The following RNFT2 variants were observed in gnomAD, a reference collection of about 807,000 sequenced individuals.
RNFT2 encodes ring finger protein, transmembrane 2.
A neutral mutation model predicts 53.0 loss-of-function variants in RNFT2; 36 were observed. The ratio of observed to expected loss-of-function variants is 0.68; its 90% CI spans 0.52 to 0.90. RNFT2 has a LOEUF of 0.90. Among genes scored for constraint, RNFT2 ranks in the 40% least tolerant of loss-of-function variants. The probability of loss-of-function intolerance (pLI) is 0.00; values close to 1 mark genes in which losing one functional copy is unlikely to be tolerated. For synonymous variants in RNFT2, 260 were observed against 253.2 expected (o/e 1.03, Z -0.26); for missense variants, 514 against 585.6 (o/e 0.88, Z 1.26).
chr12:116,840,885 G>A (rs1202180497), intron 10 of RNFT2, among the ~76,000 whole-genome samples: 1 of 151,448 alleles, frequency 6.6e-6, no homozygotes, highest in Non-Finnish European at 1.5e-5. Flanking sequence ...GGCCTGGTTT[G>A]TGTGATTAAA....
chr12:116,740,313 G>A (rs991591905), intron 1 of RNFT2, 32 bp from the exon 2 acceptor site: 1 of 601,248 alleles, frequency 1.7e-6, no homozygotes, highest in African/African-American at 1.8e-5. Context: ...GTATCGCAGG[G>A]ACTGTTCATC....
intron 7 of RNFT2, among the ~76,000 whole-genome samples, chr12:116,832,148 A>AAAAAAATATATATATATATATAT (rs1555209702): frequency 1.8e-5 from 1 of 55,176 alleles, no homozygotes; most frequent in African/African-American, 7.0e-5. Flanking sequence ...AAAAAAAAAA[A>AAAAAAATATATATATATATATAT]ATATATATAT....
chr12:116,771,510 A>T (rs1873193911), intron 6 of RNFT2, among the ~76,000 whole-genome samples: 1 of 119,258 alleles, frequency 8.4e-6, no homozygotes, highest in African/African-American at 3.0e-5. Flanking sequence ...TATATGAGCA[A>T]TTTTATTTTT....
chr12:116,847,302 C>T (rs1174711787), intron 10 of RNFT2, among the ~76,000 whole-genome samples: 1 of 152,120 alleles, frequency 6.6e-6, no homozygotes, highest in Non-Finnish European at 1.5e-5. Flanking sequence ...TTATAGCTGG[C>T]ATTTTTTTTG....
intron 7 of RNFT2, among the ~76,000 whole-genome samples, chr12:116,794,264 C>CA (rs981675563): frequency 1.1e-4 from 16 of 150,804 alleles, no homozygotes; most frequent in South Asian, 4.2e-4. Context: ...GATCCTGTCT[C>CA]AAAAAAAAGC....
At position 116,846,774 on chromosome 12, in the gene RNFT2, T is replaced by G. The variant is rs570858439; in HGVS notation, c.1201-2540T>G. On this transcript the variant is annotated intron_variant, in intron 10 of 10. Transcript: ENST00000257575. ...TGCCCTTTTTTTGACATCAATTTTT[T>G]TTTCCCTAAACCAGTTAAGAGTAAG... 3.6e-4 allele frequency among the ~76,000 whole-genome samples: 55 copies of G among 152,260 alleles called. No homozygotes were observed. The South Asian group carries it at 5.0e-3, about 14-fold the overall frequency.
chr12:116,837,158 CCCT>C (rs957621712), intron 10 of RNFT2, among the ~76,000 whole-genome samples: 1 of 151,994 alleles, frequency 6.6e-6, no homozygotes, highest in Non-Finnish European at 1.5e-5. Context: ...CTAAATGCAT[CCCT>C]CCTCCTCCTC....
At chr12:116,799,644 G>A (rs986760096) in intron 7 of RNFT2, among the ~76,000 whole-genome samples, 11 of 152,288 alleles carry the variant, frequency 7.2e-5, no homozygotes, top group Middle Eastern at 3.4e-3. Flanking sequence ...ATTTTTTAAA[G>A]GGATTCCTCA....
At chr12:116,842,067 G>A (rs1037920262) in intron 10 of RNFT2, among the ~76,000 whole-genome samples, 5 of 149,528 alleles carry the variant, frequency 3.3e-5, no homozygotes, top group Admixed American at 2.0e-4. Context: ...CCAGGGCTGT[G>A]GTCCTCTCCT....
At chr12:116,839,397 T>G (rs1267712985) in intron 10 of RNFT2, among the ~76,000 whole-genome samples, 1 of 105,436 alleles carries the variant, frequency 9.5e-6, no homozygotes, top group African/African-American at 3.7e-5. Context: ...GGTGGATGGA[T>G]GGATGGATGG....
chr12:116,771,497 ACGT>A (rs1873192558), intron 6 of RNFT2, among the ~76,000 whole-genome samples: 1 of 110,770 alleles, frequency 9.0e-6, no homozygotes, highest in African/African-American at 3.3e-5. Context: ...AAAAAAAAAT[ACGT>A]ATATGAGCAA....
At chr12:116,788,920 GTGGA>G (rs1428187688) in intron 7 of RNFT2, among the ~76,000 whole-genome samples, 1 of 147,092 alleles carries the variant, frequency 6.8e-6, no homozygotes, top group Non-Finnish European at 1.5e-5. Context: ...TGGATGGATG[GTGGA>G]TGGATGGATG....
chr12:116,792,251 T>C (rs1321082729), intron 7 of RNFT2, among the ~76,000 whole-genome samples: 1 of 152,160 alleles, frequency 6.6e-6, no homozygotes, highest in Non-Finnish European at 1.5e-5. Context: ...GGTTTCACCA[T>C]GTTGGCCAGG....
chr12:116,839,032 A>G (rs1877116409), intron 10 of RNFT2, among the ~76,000 whole-genome samples: 1 of 152,216 alleles, frequency 6.6e-6, no homozygotes, highest in African/African-American at 2.4e-5. Context: ...AAATGAATGA[A>G]TGACTTGGTT....
In RNFT2 at chr12:116,833,813, G is replaced by T. The variant is rs369021183; in HGVS notation, c.904G>T (p.Glu302Ter). 3 of 1,613,124 alleles carry T rather than the reference G, an allele frequency of 1.9e-6. No homozygotes were observed. The highest frequency in any genetic ancestry group is 2.5e-6 in the Non-Finnish European group (3 of 1,179,536). Residue 302 changes from glutamate to a stop codon, truncating the protein, a stop_gained, in exon 8 of 11, where the codon GAG (glutamate) becomes TAG (stop). Coordinates refer to ENST00000257575, the MANE Select transcript of RNFT2 (RefSeq NM_001382266.1). LOFTEE classifies it high-confidence loss of function. ...KSKGKFYLVI[E>*]ELSQLFRSLV... is the part of the protein sequence containing the mutation. Reference sequence around the variant, plus strand: ...GCAGGGAAAGTTCTATCTGGTCATCGAGGAGCTGAGCCAGCTGTTCCGATC... The same window carrying T: ...GCAGGGAAAGTTCTATCTGGTCATCTAGGAGCTGAGCCAGCTGTTCCGATC...
At chr12:116,759,913 C>T (rs1473889917) in intron 5 of RNFT2, among the ~76,000 whole-genome samples, 1 of 152,154 alleles carries the variant, frequency 6.6e-6, no homozygotes, top group Non-Finnish European at 1.5e-5. Flanking sequence ...AGCTCTAGAA[C>T]TCTCGAGTTT....
At chr12:116,849,079 A>G (rs563101944) in intron 10 of RNFT2, among the ~76,000 whole-genome samples, 1 of 152,118 alleles carries the variant, frequency 6.6e-6, no homozygotes, top group South Asian at 2.1e-4. Context: ...TCGGCCTCCC[A>G]AAGTGCTGGG....
In RNFT2 at chr12:116,851,385, C is replaced by T. The variant is rs1044809762; in HGVS notation, c.*1937C>T. ...CCAGCAGAGCCCGCACTCTTAACCT[C>T]CGCACTGCTCTGCCCCTCAGACATT... On this transcript the variant is annotated 3_prime_UTR_variant, in exon 11 of 11. Coordinates refer to ENST00000257575, the MANE Select transcript of RNFT2 (RefSeq NM_001382266.1). The T allele has an allele frequency of 3.1e-5, 9 of 286,312 alleles. No individual in the cohort carries two copies. The highest frequency in any genetic ancestry group is 4.7e-5 in the Non-Finnish European group (7 of 149,812). 17.7% of individuals were successfully genotyped at this position (286,312 alleles called of 1,614,324 possible).
intron 7 of RNFT2, among the ~76,000 whole-genome samples, chr12:116,816,462 C>G (rs1043229927): frequency 2.6e-5 from 4 of 152,212 alleles, no homozygotes; most frequent in Non-Finnish European, 4.4e-5. Context: ...TCCTCCTCCC[C>G]CTCCTCGCCA....
Sources: allele counts gnomAD v4.1 joint callset (sites outside exome capture counted in the v4.1 genomes callset), GRCh38; gene constraint gnomAD v4.1.1; transcripts MANE v1.5; gene names NCBI Gene and HGNC (gene_info 2026-07-23, HGNC 2026-07-21).